USP10: variants seen among roughly 807,000 people sequenced by gnomAD.
USP10 encodes ubiquitin carboxyl-terminal hydrolase 10.
In USP10, 22 loss-of-function variants were observed where a neutral mutation model predicts 84.5. The observed-to-expected ratio is 0.26, with a 90% CI of 0.19 to 0.37. The LOEUF is 0.37. Among genes scored for constraint, USP10 ranks in the 10% least tolerant of loss-of-function variants. The pLI, the probability that USP10 is intolerant of heterozygous loss-of-function variation, is 1.00. For missense variants in USP10, 1,019 were observed against 998.9 expected, an observed-to-expected ratio of 1.02 and a Z score of -0.27; for synonymous variants, 454 against 387.6, an observed-to-expected ratio of 1.17 and a Z score of -2.01.
intron 3 of USP10, among the ~76,000 whole-genome samples, chr16:84,743,315 C>A (rs1177443090): frequency 6.6e-6 from 1 of 152,212 alleles, no homozygotes; most frequent in Non-Finnish European, 1.5e-5. Flanking sequence ...CACCACCCTT[C>A]ACCCCCCACA....
chr16:84,775,314 G>T, intron 13 of USP10, 89 bp downstream of exon 13: 1 of 1,286,752 alleles, frequency 7.8e-7, no homozygotes, highest in Non-Finnish European at 1.1e-6. Context: ...ACTTAGCATA[G>T]CGACCAGATG....
chr16:84,743,721 CTT>C (rs1910890671), intron 3 of USP10, among the ~76,000 whole-genome samples: 1 of 152,210 alleles, frequency 6.6e-6, no homozygotes, highest in Non-Finnish European at 1.5e-5. Flanking sequence ...GATTCTAAAA[CTT>C]AACCTGATTT....
intron 1 of USP10, among the ~76,000 whole-genome samples, chr16:84,700,995 T>C (rs1191510206): frequency 1.3e-5 from 2 of 152,180 alleles, no homozygotes; most frequent in African/African-American, 4.8e-5. Context: ...GACTGCTAAT[T>C]TGTTGACATC....
intron 13 of USP10, among the ~76,000 whole-genome samples, 152 bp from the exon 14 acceptor site, chr16:84,778,743 C>G (rs1207169517): frequency 2.6e-5 from 4 of 152,202 alleles, no homozygotes; most frequent in African/African-American, 7.2e-5. Flanking sequence ...GTTGAAATAG[C>G]ATTGGTTTGT....
At chr16:84,714,918 T>C (rs943834461) in intron 1 of USP10, among the ~76,000 whole-genome samples, 4 of 148,794 alleles carry the variant, frequency 2.7e-5, no homozygotes, top group African/African-American at 9.8e-5. Context: ...GTTCTGATTA[T>C]TATTATTATT....
intron 4 of USP10, among the ~76,000 whole-genome samples, chr16:84,751,632 G>C (rs1484337616): frequency 6.6e-6 from 1 of 152,182 alleles, no homozygotes; most frequent in African/African-American, 2.4e-5. Context: ...TGGTCACTTT[G>C]CTGTCCTCCA....
In USP10 at chr16:84,719,914, G is replaced by C. The variant is rs1000899954; in HGVS notation, c.22-13521G>C. The stretch of plus-strand genomic sequence containing the variant: ...AAACAGTGGATTCCTTCCTTAGCTA[G>C]TATACCACTTTTTGCATTCTTTTAT... On this transcript the variant is annotated intron_variant, in intron 1 of 13. Coordinates refer to ENST00000219473, the MANE Select transcript of USP10 (RefSeq NM_005153.3). Among the ~76,000 whole-genome samples, 3 of 152,210 alleles carry C rather than the reference G, an allele frequency of 2.0e-5. No individual in the cohort carries two copies. The East Asian group carries it at 5.8e-4, about 29-fold the overall frequency.
At chr16:84,755,561 AG>A (rs1912435080) in intron 4 of USP10, among the ~76,000 whole-genome samples, 2 of 152,100 alleles carry the variant, frequency 1.3e-5, no homozygotes, top group African/African-American at 4.8e-5. Flanking sequence ...TGTTGAACCC[AG>A]GAGGTCGAGG....
chr16:84,738,139 C>T (rs1340868637), intron 2 of USP10, among the ~76,000 whole-genome samples: 4 of 152,148 alleles, frequency 2.6e-5, no homozygotes, highest in Non-Finnish European at 5.9e-5. Context: ...CTGAATTGTG[C>T]GTCTTCCCAG....
At chr16:84,754,336 A>G (rs565318722) in intron 4 of USP10, among the ~76,000 whole-genome samples, 2 of 152,266 alleles carry the variant, frequency 1.3e-5, no homozygotes, top group East Asian at 3.9e-4. Flanking sequence ...AGAAAAATCT[A>G]GGTTGTTCGT....
intron 4 of USP10, among the ~76,000 whole-genome samples, chr16:84,755,834 AATATAC>A (rs1235484079): frequency 1.3e-5 from 2 of 151,604 alleles, no homozygotes; most frequent in Non-Finnish European, 2.9e-5. Flanking sequence ...CTGGTCTTTT[AATATAC>A]ATATACGATT....
At chr16:84,778,091 C>CTGTGTGTGTGTGTGTGTGTG (rs113716260) in intron 13 of USP10, among the ~76,000 whole-genome samples, 19,958 of 142,856 alleles carry the variant, frequency 0.14, 1,676 homozygotes, top group Non-Finnish European at 0.2. Context: ...AAGTAAATAA[C>CTGTGTGTGTGTGTGTGTGTG]TGTGTGTGTG....
intron 1 of USP10, among the ~76,000 whole-genome samples, chr16:84,722,838 G>C (rs1011301770): frequency 1.3e-5 from 2 of 152,158 alleles, no homozygotes; most frequent in African/African-American, 4.8e-5. Context: ...TTACAGGTGT[G>C]AGCCACTGCG....
intron 10 of USP10, among the ~76,000 whole-genome samples, 176 bp downstream of exon 10, chr16:84,764,439 C>T (rs1195731703): frequency 1.3e-5 from 2 of 152,218 alleles, no homozygotes; most frequent in Admixed American, 6.5e-5. Context: ...GCCCCCGTGG[C>T]TTATTCTCTC....
At position 84,744,653 on chromosome 16, in the gene USP10, G is replaced by A; in HGVS notation, c.172G>A (p.Glu58Lys). 3 of 1,609,782 alleles carry A rather than the reference G, an allele frequency of 1.9e-6. No individual in the cohort carries two copies. The highest frequency in any genetic ancestry group is 1.7e-5 in the Admixed American group (1 of 59,484). Residue 58 changes from glutamate (E) to lysine (K), a missense_variant, in exon 4 of 14, where the codon GAG becomes AAG. By Grantham distance (56) the Glu-to-Lys change is moderately conservative. Transcript: ENST00000219473. ...LPDGQEYQRI[E>K]FGVDEVIEPS... The stretch of plus-strand genomic sequence containing the variant: ...AACAGGACAAGAATATCAGAGAATT[G>A]AGTTTGGTGTCGATGAAGTCATTGA...
At position 84,723,412 on chromosome 16, in the gene USP10, A is replaced by G. The variant is rs566156050; in HGVS notation, c.22-10023A>G. Among the ~76,000 whole-genome samples, 23 of 152,352 alleles carry G rather than the reference A, an allele frequency of 1.5e-4. 1 individual carries two copies. The South Asian group carries it at 4.8e-3, about 32-fold the overall frequency. The stretch of plus-strand genomic sequence containing the variant: ...TTTGAAGATTATATTTGAGAATGAA[A>G]GATGTACTCCTAGCTGGAACATCTC... On this transcript the variant is annotated intron_variant, in intron 1 of 13. Coordinates refer to ENST00000219473, the MANE Select transcript of USP10 (RefSeq NM_005153.3).
chr16:84,728,799 T>G (rs1033929471), intron 1 of USP10, among the ~76,000 whole-genome samples: 1 of 149,246 alleles, frequency 6.7e-6, no homozygotes, highest in Non-Finnish European at 1.5e-5. Flanking sequence ...GCAGCACCTC[T>G]TCTTTTTTCT....
intron 1 of USP10, among the ~76,000 whole-genome samples, chr16:84,732,051 T>C (rs1909304396): frequency 6.6e-6 from 1 of 152,240 alleles, no homozygotes; most frequent in African/African-American, 2.4e-5. Context: ...GTAAATATTA[T>C]ATGAAAACTT....
intron 12 of USP10, 115 bp from the exon 13 acceptor site, chr16:84,775,045 T>C: frequency 1.1e-6 from 1 of 875,362 alleles, no homozygotes; most frequent in Non-Finnish European, 1.9e-6. Context: ...TGTTGTTTTG[T>C]TCCTGGTCTG....
Sources: allele counts gnomAD v4.1 joint callset (sites outside exome capture counted in the v4.1 genomes callset), GRCh38; gene constraint gnomAD v4.1.1; transcripts MANE v1.5; gene names NCBI Gene and HGNC (gene_info 2026-07-23, HGNC 2026-07-21).